PIAS2: variants seen among roughly 807,000 people sequenced by gnomAD.
PIAS2 encodes E3 SUMO-protein ligase PIAS2.
In PIAS2, 19 loss-of-function variants were observed where a neutral mutation model predicts 69.7. The observed-to-expected ratio is 0.27, with a 90% confidence interval of 0.19 to 0.40. PIAS2 has a LOEUF of 0.40. Among genes scored for constraint, PIAS2 ranks in the 10% least tolerant of loss-of-function variants. The pLI is 1.00. For synonymous variants in PIAS2, 261 were observed against 263.2 expected (o/e 0.99, Z 0.08); for missense variants, 624 against 757.0 (o/e 0.82, Z 2.06).
rs982306264 is a variant in PIAS2, at chr18:46,854,297, C to T, written c.726+1048G>A. Among the ~76,000 whole-genome samples, 5 of 152,274 alleles carry T rather than the reference C, an allele frequency of 3.3e-5. No individual in the cohort carries two copies. In the East Asian group the frequency reaches 7.7e-4, roughly 23 times the overall value. On this transcript the variant is annotated intron_variant, in intron 5 of 13. Coordinates refer to ENST00000585916, the MANE Select transcript of PIAS2 (RefSeq NM_004671.5). ...CATATATTAGTCCAGAGCCCAGTCTCGTGTTCAGCAGGGATATTACACAGC... is the reference window on the plus strand; with the variant it reads ...CATATATTAGTCCAGAGCCCAGTCTTGTGTTCAGCAGGGATATTACACAGC...
rs891671643 is a variant in PIAS2, at chr18:46,900,730, T to C, written c.25-9676A>G. 8.0e-4 allele frequency among the ~76,000 whole-genome samples: 120 copies of C among 150,548 alleles called. 1 individual carries two copies. Among genetic ancestry groups the C allele is most frequent in the Admixed American group, 7.8e-3 (118 of 15,146 alleles). On this transcript the variant is annotated intron_variant, in intron 1 of 13. Transcript: ENST00000585916. ...GTGGCTCACACCTGTAATCTCAGCA[T>C]TTTGGGAGACCGAGGCGGGTGAATC...
At chr18:46,907,723 A>C (rs2056791949) in intron 1 of PIAS2, 1 of 152,156 alleles carries the variant, frequency 6.6e-6, no homozygotes, top group Non-Finnish European at 1.5e-5. Context: ...GATCAAAAAT[A>C]TGGTATTTGC....
intron 1 of PIAS2, among the ~76,000 whole-genome samples, chr18:46,900,564 T>A (rs996255797): frequency 6.6e-5 from 10 of 151,636 alleles, no homozygotes; most frequent in Admixed American, 2.6e-4. Context: ...GTAGTCTTGA[T>A]TACTTAGGAG....
intron 9 of PIAS2, among the ~76,000 whole-genome samples, chr18:46,832,892 CAAAAAA>C (rs34958166): frequency 2.8e-5 from 3 of 105,998 alleles, no homozygotes; most frequent in African/African-American, 7.3e-5. Flanking sequence ...CCTCTGTCTC[CAAAAAA>C]AAAAAAAAAA....
In PIAS2 at chr18:46,812,121, CA is replaced by C. The variant is rs980627651; in HGVS notation, c.*311del. 2 of 185,186 alleles carry C rather than the reference CA, an allele frequency of 1.1e-5. No homozygotes were observed. Among genetic ancestry groups the C allele is most frequent in the Admixed American group, 6.0e-5 (1 of 16,548 alleles). 11.5% of individuals were successfully genotyped at this position (185,186 alleles called of 1,614,324 possible). On this transcript the variant is annotated 3_prime_UTR_variant, in exon 14 of 14. Transcript: ENST00000585916. ...ATAATTTTATTGCTCTTTATTTTAA[CA>C]AAAACTTTTTTCACTGATTTGTAGA... is the stretch of plus-strand genomic sequence containing the variant.
intron 1 of PIAS2, 53 bp downstream of exon 1, chr18:46,917,269 C>T: frequency 6.9e-7 from 1 of 1,444,854 alleles, no homozygotes; most frequent in Non-Finnish European, 9.2e-7. Context: ...GCGGTTTCCC[C>T]ACCTCCTCTC....
At chr18:46,849,032 T>G (rs2046584149) in intron 5 of PIAS2, among the ~76,000 whole-genome samples, 1 of 152,124 alleles carries the variant, frequency 6.6e-6, no homozygotes, top group Non-Finnish European at 1.5e-5. Context: ...TGTCCACTGG[T>G]AGGTTAACCA....
Position 46,830,298 on chromosome 18 carries a change from T to C in PIAS2, c.1203-431A>G, listed in dbSNP as rs1295003057. On this transcript the variant is annotated intron_variant, in intron 9 of 13. Transcript: ENST00000585916. ...GGGGAAGGAGGGAAGAAAAGGGAAA[T>C]AAAAGAAGTCTCAATAAATTTAAAA... Among the ~76,000 whole-genome samples the C allele has an allele frequency of 8.6e-5, 13 of 151,810 alleles. 1 individual carries two copies.
intron 9 of PIAS2, 177 bp downstream of exon 9, chr18:46,836,178 CCA>C (rs1030524056): frequency 2.0e-6 from 1 of 503,600 alleles, no homozygotes. Context: ...ATGCCACTAA[CCA>C]CAGTTTAAAA....
intron 2 of PIAS2, among the ~76,000 whole-genome samples, chr18:46,880,003 T>C (rs539385991): frequency 6.6e-6 from 1 of 151,100 alleles, no homozygotes; most frequent in East Asian, 1.9e-4. Flanking sequence ...TCTCTGGAGA[T>C]AGATGGCAGC....
chr18:46,843,938 A>G (rs1233568254), intron 8 of PIAS2, 116 bp downstream of exon 8: 4 of 592,230 alleles, frequency 6.8e-6, no homozygotes, highest in Non-Finnish European at 1.2e-5. Flanking sequence ...TAATGGGAAA[A>G]GACAAAAGTT....
intron 1 of PIAS2, among the ~76,000 whole-genome samples, chr18:46,900,425 T>C (rs189806084): frequency 6.6e-6 from 1 of 151,586 alleles, no homozygotes; most frequent in Non-Finnish European, 1.5e-5. Flanking sequence ...TCCCAGCTAT[T>C]TGGGAGGCTG....
At position 46,805,991 on chromosome 18, in the gene PIAS2, G is replaced by A. The variant is rs2040667418; in HGVS notation, c.*6442C>T. 1 of 152,138 alleles carries A rather than the reference G, an allele frequency of 6.6e-6. No individual in the cohort carries two copies. The highest frequency in any genetic ancestry group is 6.5e-5 in the Admixed American group (1 of 15,276). 9.4% of individuals were successfully genotyped at this position (152,138 alleles called of 1,614,324 possible). On this transcript the variant is annotated 3_prime_UTR_variant, in exon 14 of 14. Coordinates refer to ENST00000585916, the MANE Select transcript of PIAS2 (RefSeq NM_004671.5). ...CAGGCTTGAAAAATGGATGAAAAATGCACTCAACCCTTACTCCTATATTCA... is the reference window on the plus strand; with the variant it reads ...CAGGCTTGAAAAATGGATGAAAAATACACTCAACCCTTACTCCTATATTCA...
chr18:46,833,372 T>A (rs1379667890), intron 9 of PIAS2, among the ~76,000 whole-genome samples: 1 of 152,212 alleles, frequency 6.6e-6, no homozygotes, highest in Non-Finnish European at 1.5e-5. Flanking sequence ...TATCAGTGTT[T>A]GCTTGAGGAC....
At position 46,872,699 on chromosome 18, in the gene PIAS2, G is replaced by C. The variant is rs529806766; in HGVS notation, c.500-8451C>G. Among the ~76,000 whole-genome samples the C allele has an allele frequency of 2.4e-4, 37 of 152,312 alleles. No individual in the cohort carries two copies. In the South Asian group the frequency reaches 5.4e-3, roughly 22 times the overall value. ...CAAGCCAAGGATAAGGCCCGAACGG[G>C]TCAAAGGAATCGTGTCCTTACCTTT... On this transcript the variant is annotated intron_variant, in intron 2 of 13. Transcript: ENST00000585916.
intron 3 of PIAS2, among the ~76,000 whole-genome samples, chr18:46,861,187 C>T (rs1210009797): frequency 1.4e-5 from 2 of 147,316 alleles, no homozygotes; most frequent in East Asian, 2.0e-4. Context: ...TACAGTGAGC[C>T]GAGATTGTGC....
chr18:46,842,999 T>A (rs1413076889), intron 8 of PIAS2, among the ~76,000 whole-genome samples: 1 of 152,194 alleles, frequency 6.6e-6, no homozygotes, highest in African/African-American at 2.4e-5. Flanking sequence ...ATAAAAGAGA[T>A]GTACTTGTAA....
upstream of PIAS2, among the ~76,000 whole-genome samples, chr18:46,919,279 G>A (rs1359826130): frequency 6.6e-6 from 1 of 151,962 alleles, no homozygotes; most frequent in Non-Finnish European, 1.5e-5. Flanking sequence ...CTGAGGTTGG[G>A]AGTTGGAGGC....
At chr18:46,868,591 A>T (rs1015536058) in intron 2 of PIAS2, among the ~76,000 whole-genome samples, 2 of 152,194 alleles carry the variant, frequency 1.3e-5, no homozygotes, top group African/African-American at 4.8e-5. Flanking sequence ...GAAAGGACAC[A>T]GAACCAGAGA....
Sources: gnomAD v4.1 joint callset for allele counts (sites outside exome capture counted in the v4.1 genomes callset) on GRCh38, gnomAD v4.1.1 for gene constraint, MANE v1.5 for transcripts, NCBI Gene and HGNC (gene_info 2026-07-23, HGNC 2026-07-21) for gene names.